Variants in ZNF221 observed in about 807,000 individuals in gnomAD.
The protein encoded by ZNF221 is zinc finger protein 221.
A neutral mutation model predicts 12.6 loss-of-function variants in ZNF221; 10 were observed. The observed-to-expected ratio is 0.79, with a 90% CI of 0.49 to 1.34. The LOEUF (loss-of-function observed/expected upper bound fraction) is 1.34. Ranked by LOEUF, ZNF221 falls within the 40% of genes most tolerant of loss-of-function variation. The probability of loss-of-function intolerance (pLI) is 0.00; values close to 1 mark genes in which losing one functional copy is unlikely to be tolerated. For synonymous variants in ZNF221, 232 were observed against 244.0 expected, an observed-to-expected ratio of 0.95 and a Z score of 0.46; for missense variants, 661 against 721.4, an observed-to-expected ratio of 0.92 and a Z score of 0.96.
Position 43,966,999 on chromosome 19 carries a change from C to T in ZNF221, c.1497C>T (p.Leu499=), listed in dbSNP as rs79157058. ...WASCLLKHQR[L]HSGEKPFKCE... is the part of the protein sequence containing the mutation. ...CCTGTCTTTTGAAACATCAGAGACTCCACAGTGGGGAAAAACCTTTCAAAT... is the reference window on the plus strand; with the variant it reads ...CCTGTCTTTTGAAACATCAGAGACTTCACAGTGGGGAAAAACCTTTCAAAT... The change falls in exon 5 of 5, where the codon CTC becomes CTT. Residue 499 remains leucine (L), a synonymous_variant. Transcript: ENST00000587682. 1 of 1,613,626 alleles carries T rather than the reference C, an allele frequency of 6.2e-7. No individual in the cohort carries two copies. The highest frequency in any genetic ancestry group is 1.1e-5 in the South Asian group (1 of 91,054).
At chr19:43,960,254 C>A (rs1599815266) in intron 1 of ZNF221, 1 of 152,284 alleles carries the variant, frequency 6.6e-6, no homozygotes, top group East Asian at 1.9e-4. Context: ...TTCTGAGCAG[C>A]AAAGCATTCA....
At chr19:43,972,837 G>C in the ZNF221 span, among the ~76,000 whole-genome samples, 2 of 142,128 alleles carry the variant, frequency 1.4e-5, no homozygotes, top group Non-Finnish European at 3.0e-5. Context: ...AAAAGAGCTG[G>C]TACCATTTCT....
intron 1 of ZNF221, among the ~76,000 whole-genome samples, chr19:43,958,669 G>A (rs1440394665): frequency 1.3e-5 from 2 of 152,222 alleles, no homozygotes; most frequent in South Asian, 2.1e-4. Context: ...AGGTTTGAGA[G>A]TCATTATGTA....
the ZNF221 span, among the ~76,000 whole-genome samples, chr19:43,977,706 A>G: frequency 1.3e-5 from 2 of 152,222 alleles, no homozygotes; most frequent in African/African-American, 2.4e-5. Context: ...GTTATACACC[A>G]TGGTGTAACT....
rs758081943 is a variant in ZNF221, at chr19:43,951,849, CTTTTTTTTTTTTTTTTTTTTTTT to C, written c.-3+469_-3+491del. Among the ~76,000 whole-genome samples the C allele has an allele frequency of 9.1e-4, 57 of 62,594 alleles. 1 individual carries two copies. Among genetic ancestry groups the C allele is most frequent in the Admixed American group, 3.0e-3 (13 of 4,352 alleles). The allele number at this position is 62,594 out of a possible 152,430, so 41.1% of individuals were successfully genotyped here. ...GAAAATTCTGGACAGTCTTTGACCT[CTTTTTTTTTTTTTTTTTTTTTTT>C]TTTTTTTTTTTTTTTTTTTGAGACG... On this transcript the variant is annotated intron_variant, in intron 1 of 4. Coordinates refer to ENST00000587682, the MANE Select transcript of ZNF221 (RefSeq NM_001297588.2).
At chr19:43,964,387 T>C (rs73567686) in intron 2 of ZNF221, among the ~76,000 whole-genome samples, 14,181 of 152,220 alleles carry the variant, frequency 0.093, 1,447 homozygotes, top group African/African-American at 0.26. Flanking sequence ...GCATGATGGT[T>C]CCATATCATG....
chr19:43,952,528 A>G (rs556522482), intron 1 of ZNF221, among the ~76,000 whole-genome samples: 53 of 152,336 alleles, frequency 3.5e-4, no homozygotes, highest in African/African-American at 1.2e-3. Context: ...AGCTCTGTGG[A>G]GAGGTACTGC....
chr19:43,956,597 A>T (rs573809922), intron 1 of ZNF221, among the ~76,000 whole-genome samples: 1 of 152,062 alleles, frequency 6.6e-6, no homozygotes, highest in Non-Finnish European at 1.5e-5. Context: ...TGACTAATCT[A>T]CTTGACTACT....
In ZNF221 at chr19:43,967,352, T is replaced by C; in HGVS notation, c.1850T>C (p.Ile617Thr). 3.1e-6 allele frequency: 5 copies of C among 1,607,936 alleles called. No individual in the cohort carries two copies. Among genetic ancestry groups the C allele is most frequent in the Non-Finnish European group, 4.2e-6 (5 of 1,176,820 alleles). ...TSVSLCGRKA[I>T] is the part of the protein sequence containing the mutation. ...GTAAGTCTATGTGGGAGAAAAGCCATATAAATGTGAGAAGTGTGGGAAGGG... is the reference window on the plus strand; with the variant it reads ...GTAAGTCTATGTGGGAGAAAAGCCACATAAATGTGAGAAGTGTGGGAAGGG... The change falls in exon 5 of 5, where the codon ATA (isoleucine) becomes ACA (threonine). Residue 617 changes from isoleucine to threonine, a missense_variant. Coordinates refer to ENST00000587682, the MANE Select transcript of ZNF221 (RefSeq NM_001297588.2).
chr19:43,978,695 GC>G, the ZNF221 span: 4 of 151,998 alleles, frequency 2.6e-5, no homozygotes, highest in African/African-American at 7.2e-5. Flanking sequence ...CTTTTGTGTG[GC>G]CAGTATTTCT....
At chr19:43,961,128 T>G (rs1974835780) in intron 1 of ZNF221, among the ~76,000 whole-genome samples, 1 of 152,230 alleles carries the variant, frequency 6.6e-6, no homozygotes, top group Non-Finnish European at 1.5e-5. Flanking sequence ...GAGCCCTGGC[T>G]GGAGTACAGT....
At chr19:43,969,509 T>C (rs1362805098), downstream of ZNF221, among the ~76,000 whole-genome samples, 1 of 151,928 alleles carries the variant, frequency 6.6e-6, no homozygotes, top group African/African-American at 2.4e-5. Flanking sequence ...CCACCACACC[T>C]GGCTAATTTT....
At chr19:43,962,878 C>G in intron 2 of ZNF221, 71 bp downstream of exon 2, 7 of 1,415,874 alleles carry the variant, frequency 4.9e-6, no homozygotes, top group Non-Finnish European at 6.8e-6. Context: ...TTTTATCTGT[C>G]TTGGGAAGAC....
chr19:43,970,871 AC>A (rs1975083427), downstream of ZNF221, among the ~76,000 whole-genome samples: 1 of 152,242 alleles, frequency 6.6e-6, no homozygotes, highest in Non-Finnish European at 1.5e-5. Context: ...AACTTTCCAA[AC>A]CTAGCATGAC....
At chr19:43,956,913 T>A (rs759200023) in intron 1 of ZNF221, among the ~76,000 whole-genome samples, 1 of 152,208 alleles carries the variant, frequency 6.6e-6, no homozygotes, top group Non-Finnish European at 1.5e-5. Flanking sequence ...CTAGAATAGA[T>A]TCAGAGAAGC....
chr19:43,957,182 TA>T (rs1974770393), intron 1 of ZNF221, among the ~76,000 whole-genome samples: 1 of 152,210 alleles, frequency 6.6e-6, no homozygotes, highest in East Asian at 1.9e-4. Context: ...TTTTTATTTT[TA>T]TTTTTTATTT....
intron 1 of ZNF221, among the ~76,000 whole-genome samples, chr19:43,958,698 T>G (rs139475155): frequency 1.8e-4 from 27 of 152,284 alleles, no homozygotes; most frequent in African/African-American, 6.0e-4. Flanking sequence ...CTAGGAAGCT[T>G]AACAGGATGT....
Position 43,964,829 on chromosome 19 carries a change from A to G in ZNF221, c.82-121A>G, listed in dbSNP as rs140507828. On this transcript the variant is annotated intron_variant, in intron 2 of 4. Transcript: ENST00000587682. ...GAATGAGTGGGAAATCTGTATGTTG[A>G]CCTACATCCCTCAAGATCTAGGACA... The G allele has an allele frequency of 4.4e-3, 5,664 of 1,300,652 alleles. 24 individuals are homozygous for G. The highest frequency in any genetic ancestry group is 5.4e-3 in the Non-Finnish European group (5,016 of 922,946). The allele number at this position is 1,300,652 out of a possible 1,614,324, so 80.6% of individuals were successfully genotyped here.
the ZNF221 span, among the ~76,000 whole-genome samples, chr19:43,981,430 T>C: frequency 1.3e-5 from 2 of 152,236 alleles, no homozygotes; most frequent in Non-Finnish European, 2.9e-5. Flanking sequence ...CTTTCTGGGA[T>C]GTACTCTTCT....
Sources: gnomAD v4.1 joint callset for allele counts (sites outside exome capture counted in the v4.1 genomes callset) on GRCh38, gnomAD v4.1.1 for gene constraint, MANE v1.5 for transcripts, NCBI Gene and HGNC (gene_info 2026-07-23, HGNC 2026-07-21) for gene names.